The following FBN1 variants were observed in gnomAD, a reference collection of about 807,000 sequenced individuals.
The protein encoded by FBN1 is fibrillin 1.
FBN1 carries 29 observed loss-of-function variants against 365.1 expected under a neutral mutation model. That is an observed-to-expected ratio of 0.08 (90% CI 0.06 to 0.11). The LOEUF is 0.11. Among genes scored for constraint, FBN1 ranks in the 10% least tolerant of loss-of-function variants. The pLI is 1.00. For synonymous variants in FBN1, 1,210 were observed against 1,270.5 expected, an observed-to-expected ratio of 0.95 and a Z score of 1.01; for missense variants, 2,476 against 3,703.2, an observed-to-expected ratio of 0.67 and a Z score of 8.60.
At position 48,492,559 on chromosome 15, in the gene FBN1, C is replaced by T; in HGVS notation, c.2756G>A (p.Gly919Glu). 1 of 1,608,198 alleles carries T rather than the reference C, an allele frequency of 6.2e-7. No homozygotes were observed. The highest frequency in any genetic ancestry group is 8.5e-7 in the Non-Finnish European group (1 of 1,175,130). ...AACACACAGGCCATTTTTACACACT[C>T]CTGGGAACACTTCACATTCATCTAT... ...EDIDECEVFP[G>E]VCKNGLCVNT... is the part of the protein sequence containing the mutation. The change falls in exon 24 of 66, where the codon GGA (glycine) becomes GAA (glutamate). Residue 919 changes from glycine (G) to glutamate (E), a missense_variant. Around this residue, in one of 5 missense-constraint regions of FBN1, gnomAD observed 1,780 missense variants for 2,840.8 expected, o/e 0.63. Transcript: ENST00000316623.
At chr15:48,498,911 C>T in intron 18 of FBN1, 74 bp downstream of exon 18, 2 of 1,422,156 alleles carry the variant, frequency 1.4e-6, no homozygotes, top group African/African-American at 1.4e-5. Flanking sequence ...AAGGGATCAA[C>T]TGGAAACCCA....
At chr15:48,553,781 G>C (rs2044160120) in intron 6 of FBN1, among the ~76,000 whole-genome samples, 1 of 152,108 alleles carries the variant, frequency 6.6e-6, no homozygotes, top group South Asian at 2.1e-4. Flanking sequence ...TTTAATACAG[G>C]AAATTCCATA....
chr15:48,487,783 A>C (rs2043521397), intron 27 of FBN1, among the ~76,000 whole-genome samples: 1 of 152,228 alleles, frequency 6.6e-6, no homozygotes, highest in Non-Finnish European at 1.5e-5. Context: ...CAAGTTTACC[A>C]ATCACCTTTT....
At chr15:48,532,667 T>C (rs1279485292) in intron 8 of FBN1, among the ~76,000 whole-genome samples, 4 of 152,228 alleles carry the variant, frequency 2.6e-5, no homozygotes, top group Admixed American at 1.3e-4. Flanking sequence ...GGGTACTTAA[T>C]ACACCCAAGA....
intron 3 of FBN1, among the ~76,000 whole-genome samples, chr15:48,611,773 G>C (rs2044658437): frequency 6.6e-6 from 1 of 152,130 alleles, no homozygotes; most frequent in African/African-American, 2.4e-5. Context: ...AGTTTAAATG[G>C]CATATGATTT....
intron 6 of FBN1, among the ~76,000 whole-genome samples, chr15:48,551,952 G>A (rs1459010734): frequency 6.6e-6 from 1 of 152,130 alleles, no homozygotes; most frequent in Non-Finnish European, 1.5e-5. Flanking sequence ...TGTGAATAGT[G>A]CTGCAATGAG....
At chr15:48,524,429 A>C (rs1392022149) in intron 9 of FBN1, among the ~76,000 whole-genome samples, 1 of 152,182 alleles carries the variant, frequency 6.6e-6, no homozygotes, top group Non-Finnish European at 1.5e-5. Flanking sequence ...TTATACTGTC[A>C]GGGGCTATTT....
At chr15:48,508,224 G>A (rs2043727362) in intron 15 of FBN1, among the ~76,000 whole-genome samples, 1 of 152,164 alleles carries the variant, frequency 6.6e-6, no homozygotes, top group East Asian at 1.9e-4. Context: ...CAGCCACCAA[G>A]AAGCCTAACC....
chr15:48,428,942 A>T (rs559824877), intron 56 of FBN1, among the ~76,000 whole-genome samples: 2 of 152,280 alleles, frequency 1.3e-5, no homozygotes, highest in East Asian at 3.9e-4. Context: ...AAAGCAACCA[A>T]TTCTGGGGCC....
chr15:48,488,302 A>C, intron 26 of FBN1, 61 bp from the exon 27 acceptor site: 1 of 1,612,888 alleles, frequency 6.2e-7, no homozygotes, highest in Non-Finnish European at 8.5e-7. Flanking sequence ...TCTTGCGACA[A>C]TATGTTAAAG....
chr15:48,575,685 C>A (rs1281348084), intron 6 of FBN1, among the ~76,000 whole-genome samples: 1 of 151,976 alleles, frequency 6.6e-6, no homozygotes, highest in Non-Finnish European at 1.5e-5. Flanking sequence ...GAAGAGAAAT[C>A]ATTATATTAA....
intron 9 of FBN1, 145 bp downstream of exon 9, chr15:48,525,985 A>G (rs2043908543): frequency 9.7e-7 from 1 of 1,035,090 alleles, no homozygotes; most frequent in Non-Finnish European, 1.5e-6. Flanking sequence ...TTAAGAGGGC[A>G]GTCAACTGTT....
At chr15:48,428,044 T>C (rs963865952) in intron 57 of FBN1, 12 of 668,106 alleles carry the variant, frequency 1.8e-5, no homozygotes, top group Non-Finnish European at 3.3e-5. Context: ...GGAATAGCCA[T>C]GCTTACAGAC....
chr15:48,453,812 G>T (rs1011091150), intron 44 of FBN1, among the ~76,000 whole-genome samples: 1 of 151,560 alleles, frequency 6.6e-6, no homozygotes, highest in Non-Finnish European at 1.5e-5. Flanking sequence ...ACCTAAAACT[G>T]CACTAGAAAA....
intron 6 of FBN1, among the ~76,000 whole-genome samples, chr15:48,556,634 A>G (rs1164841089): frequency 6.6e-6 from 1 of 152,190 alleles, no homozygotes; most frequent in Non-Finnish European, 1.5e-5. Context: ...TCTTACAGCA[A>G]TGGCAGCTAC....
In FBN1 at chr15:48,513,571, T is replaced by A. The variant is rs531264662; in HGVS notation, c.1566A>T (p.Thr522=). ...TACCTCGGCATTCTGTCCGCGTGAG[T>A]GTGCTCTGATATCCAGCTCGGCACT... ...TCQCRAGYQS[T]LTRTECRDID... The change falls in exon 13 of 66, where the codon ACA becomes ACT. Residue 522 remains threonine (T), a synonymous_variant. Coordinates refer to ENST00000316623, the MANE Select transcript of FBN1 (RefSeq NM_000138.5). 1 of 1,614,010 alleles carries A rather than the reference T, an allele frequency of 6.2e-7. No individual in the cohort carries two copies. Among genetic ancestry groups the A allele is most frequent in the South Asian group, 1.1e-5 (1 of 91,084 alleles).
chr15:48,471,769 A>G (rs2043378595), intron 35 of FBN1, among the ~76,000 whole-genome samples: 1 of 152,254 alleles, frequency 6.6e-6, no homozygotes, highest in South Asian at 2.1e-4. Context: ...TCTACTGACA[A>G]TCGTTATCAT....
rs148488147 is a variant in FBN1, at chr15:48,462,104, T to C, written c.5224+978A>G. On this transcript the variant is annotated intron_variant, in intron 42 of 65. Transcript: ENST00000316623. The stretch of plus-strand genomic sequence containing the variant: ...ATAATACATTTTACTAAAAAACAAT[T>C]TTCTGTTGCATGCAATGTCAGGTAG... Among the ~76,000 whole-genome samples the C allele has an allele frequency of 5.0e-3, 764 of 152,272 alleles. 5 individuals carry two copies. The highest frequency in any genetic ancestry group is 0.018 in the African/African-American group (733 of 41,560).
intron 43 of FBN1, among the ~76,000 whole-genome samples, chr15:48,459,067 C>G (rs561007453): frequency 1.5e-4 from 23 of 152,334 alleles, no homozygotes; most frequent in African/African-American, 5.1e-4. Context: ...AAATATGAAG[C>G]AAGGCATTTG....
Sources: gnomAD v4.1 joint callset for allele counts (sites outside exome capture counted in the v4.1 genomes callset) on GRCh38, gnomAD v4.1.1 for gene constraint, gnomAD v4.1.1 regional missense constraint, MANE v1.5 for transcripts, NCBI Gene and HGNC (gene_info 2026-07-23, HGNC 2026-07-21) for gene names.